Variants in APBA1 observed in about 807,000 individuals in gnomAD.
APBA1 encodes amyloid beta precursor protein binding family A member 1.
APBA1 carries 55 observed loss-of-function variants against 86.6 expected under a neutral mutation model. The ratio of observed to expected loss-of-function variants is 0.64; its 90% CI spans 0.51 to 0.80. APBA1 has a LOEUF of 0.80. Among genes scored for constraint, APBA1 ranks in the 30% least tolerant of loss-of-function variants. APBA1 has a pLI of 0.00. For synonymous variants in APBA1, 511 were observed against 493.9 expected (o/e 1.03, Z -0.46); for missense variants, 1,090 against 1,183.0 (o/e 0.92, Z 1.15).
At chr9:69,579,167 A>G (rs1821864721) in intron 1 of APBA1, among the ~76,000 whole-genome samples, 5 of 151,764 alleles carry the variant, frequency 3.3e-5, no homozygotes. Context: ...CCAACCTTTA[A>G]CTCTCCTGCA....
chr9:69,535,074 TAACATGTATTTTATCATCTGCC>T (rs932349411), intron 1 of APBA1, among the ~76,000 whole-genome samples: 1 of 152,220 alleles, frequency 6.6e-6, no homozygotes, highest in African/African-American at 2.4e-5. Flanking sequence ...TTTGTCAAAA[TAACATGTATTTTATCATCTGCC>T]AACACAATCA....
intron 1 of APBA1, among the ~76,000 whole-genome samples, chr9:69,541,925 A>G (rs1410238820): frequency 1.3e-5 from 2 of 152,076 alleles, no homozygotes; most frequent in Non-Finnish European, 2.9e-5. Context: ...TCAATTCAGC[A>G]TGTGTTTGGG....
chr9:69,436,575 C>CTGTT (rs541601215), intron 11 of APBA1, among the ~76,000 whole-genome samples: 42,103 of 101,332 alleles, frequency 0.42, 7,143 homozygotes, highest in African/African-American at 0.48. Flanking sequence ...ATTTGGCTCT[C>CTGTT]TGTTTGTTGT....
At chr9:69,467,713 T>C (rs534408825) in intron 5 of APBA1, 110 bp downstream of exon 5, 9 of 1,453,452 alleles carry the variant, frequency 6.2e-6, no homozygotes, top group South Asian at 4.0e-5. Flanking sequence ...TGTGATGTCA[T>C]CTCAAACCAC....
At chr9:69,607,581 C>A (rs554058312) in intron 1 of APBA1, among the ~76,000 whole-genome samples, 1 of 152,110 alleles carries the variant, frequency 6.6e-6, no homozygotes, top group East Asian at 1.9e-4. Flanking sequence ...TAAGCTTTAC[C>A]CTATGCACTT....
At chr9:69,545,134 C>G (rs1447998990) in intron 1 of APBA1, among the ~76,000 whole-genome samples, 1 of 152,202 alleles carries the variant, frequency 6.6e-6, no homozygotes, top group African/African-American at 2.4e-5. Flanking sequence ...CAATTCTCAT[C>G]TGGGCTGGTT....
intron 1 of APBA1, among the ~76,000 whole-genome samples, chr9:69,543,278 C>T (rs1836646589): frequency 9.2e-3 from 3 of 326 alleles, no homozygotes; most frequent in Non-Finnish European, 0.031. Flanking sequence ...CTGGGATTTC[C>T]CCCCCCCCCC....
intron 1 of APBA1, among the ~76,000 whole-genome samples, chr9:69,652,441 T>C (rs1265423704): frequency 6.6e-6 from 1 of 152,244 alleles, no homozygotes; most frequent in East Asian, 1.9e-4. Context: ...TAAGTGTGTG[T>C]GTGTTTCCTC....
intron 11 of APBA1, among the ~76,000 whole-genome samples, chr9:69,439,537 C>T (rs1055968419): frequency 1.1e-4 from 16 of 152,280 alleles, no homozygotes; most frequent in African/African-American, 2.6e-4. Context: ...TCATTCATTT[C>T]ATCTTCCATT....
intron 2 of APBA1, among the ~76,000 whole-genome samples, chr9:69,492,182 A>G (rs1239888444): frequency 2.0e-5 from 3 of 152,108 alleles, no homozygotes; most frequent in African/African-American, 7.2e-5. Flanking sequence ...TCTGGCTACC[A>G]CTGATGGCTC....
At chr9:69,538,661 T>A (rs1017466632) in intron 1 of APBA1, among the ~76,000 whole-genome samples, 1 of 152,208 alleles carries the variant, frequency 6.6e-6, no homozygotes, top group Non-Finnish European at 1.5e-5. Flanking sequence ...GTTACACACA[T>A]AGGTAGTGTC....
At chr9:69,558,533 TAC>T (rs34177238) in intron 1 of APBA1, among the ~76,000 whole-genome samples, 2 of 145,190 alleles carry the variant, frequency 1.4e-5, no homozygotes, top group East Asian at 2.0e-4. Flanking sequence ...TATATATATA[TAC>T]ACACACACAT....
At chr9:69,500,604 C>G (rs981097376) in intron 2 of APBA1, among the ~76,000 whole-genome samples, 1 of 152,084 alleles carries the variant, frequency 6.6e-6, no homozygotes, top group South Asian at 2.1e-4. Context: ...ACAGAGGCAA[C>G]AGGTTAACTC....
intron 8 of APBA1, among the ~76,000 whole-genome samples, chr9:69,452,712 C>CA (rs1373764469): frequency 6.6e-6 from 1 of 152,200 alleles, no homozygotes; most frequent in African/African-American, 2.4e-5. Context: ...TACATAAACA[C>CA]AAAGACTTTG....
At chr9:69,576,085 C>T (rs577269399) in intron 1 of APBA1, among the ~76,000 whole-genome samples, 2 of 152,298 alleles carry the variant, frequency 1.3e-5, no homozygotes, top group Admixed American at 6.5e-5. Context: ...GACATTTATG[C>T]AGCCAAAAGA....
intron 1 of APBA1, among the ~76,000 whole-genome samples, chr9:69,633,957 A>T (rs945245593): frequency 6.6e-6 from 1 of 152,216 alleles, no homozygotes; most frequent in African/African-American, 2.4e-5. Context: ...TATTCAGTAA[A>T]TGAGAAGAGG....
In APBA1 at chr9:69,440,552, G is replaced by A. The variant is rs370813634; in HGVS notation, c.2301+444C>T. 1.4e-4 allele frequency among the ~76,000 whole-genome samples: 21 copies of A among 152,290 alleles called. No individual in the cohort carries two copies. The East Asian group carries it at 3.5e-3, about 25-fold the overall frequency. ...TCAGACTGCTGTGCTAGCAATGAGTGAGGCTCCATGGGCGTAGGACCCTCC... is the reference window on the plus strand; with the variant it reads ...TCAGACTGCTGTGCTAGCAATGAGTAAGGCTCCATGGGCGTAGGACCCTCC... On this transcript the variant is annotated intron_variant, in intron 11 of 12. Transcript: ENST00000265381.
At chr9:69,639,758 A>T (rs1175049500) in intron 1 of APBA1, among the ~76,000 whole-genome samples, 1 of 152,232 alleles carries the variant, frequency 6.6e-6, no homozygotes, top group Non-Finnish European at 1.5e-5. Context: ...ATTATATGTC[A>T]AGTAACCAGA....
At chr9:69,546,391 C>T (rs1231241471) in intron 1 of APBA1, among the ~76,000 whole-genome samples, 2 of 152,126 alleles carry the variant, frequency 1.3e-5, no homozygotes, top group African/African-American at 2.4e-5. Context: ...AGGAACTGTT[C>T]CCACTCAGGG....
Sources: gnomAD v4.1 joint callset for allele counts (sites outside exome capture counted in the v4.1 genomes callset) on GRCh38, gnomAD v4.1.1 for gene constraint, MANE v1.5 for transcripts, NCBI Gene and HGNC (gene_info 2026-07-23, HGNC 2026-07-21) for gene names.